GIP: variants seen among roughly 807,000 people sequenced by gnomAD.
GIP encodes gastric inhibitory polypeptide, also known as glucose-dependent insulinotropic polypeptide.
In GIP, 16 loss-of-function variants were observed where a neutral mutation model predicts 18.1. The observed-to-expected ratio is 0.88, with a 90% confidence interval of 0.60 to 1.34. GIP has a LOEUF of 1.34. Among genes scored for constraint, GIP ranks in the 40% most tolerant of loss-of-function variants. The pLI is 0.00. For missense variants in GIP, 192 were observed against 183.4 expected, an observed-to-expected ratio of 1.05 and a Z score of -0.27; for synonymous variants, 76 against 74.0, an observed-to-expected ratio of 1.03 and a Z score of -0.14.
At chr17:48,964,285 A>G in intron 3 of GIP, 25 bp downstream of exon 3, 1 of 1,599,382 alleles carries the variant, frequency 6.3e-7, no homozygotes, top group Non-Finnish European at 8.6e-7. Flanking sequence ...CACAGGGAAC[A>G]GGAGGAGTGT....
rs1157087103 is a variant in GIP, at chr17:48,965,325, C to T, written c.87-845G>A. Among the ~76,000 whole-genome samples, 7 of 133,770 alleles carry T rather than the reference C, an allele frequency of 5.2e-5. No homozygotes were observed. In the East Asian group the frequency reaches 1.6e-3, roughly 30 times the overall value. The allele number at this position is 133,770 out of a possible 152,430, so 87.8% of individuals were successfully genotyped here. On this transcript the variant is annotated intron_variant, in intron 2 of 5. Coordinates refer to ENST00000357424, the MANE Select transcript of GIP (RefSeq NM_004123.3). ...TCAATAAAAAAAAAAAAAAAAAAGG[C>T]TGGGTGCGGTGGCTCACGCCTGTAA...
chr17:48,967,361 T>TC (rs1213111363), intron 1 of GIP, 108 bp from the exon 2 acceptor site: 2 of 109,530 alleles, frequency 1.8e-5, no homozygotes, highest in African/African-American at 9.1e-5. Flanking sequence ...TCCTTTTTCT[T>TC]TTTTTTTTTT....
rs760593707 is a variant in GIP at position 48,961,771 on chromosome 17, G to A, written c.306C>T (p.Ala102=). ...CCTCCTCCTTCCTATTAGCTTGACT[G>A]GCCAGCTCCAGCGCCCGAGCCTCCC... The part of the protein sequence containing the change: ...TQREARALEL[A]SQANRKEEEA... The change falls in exon 4 of 6, where the codon GCC becomes GCT. Residue 102 remains alanine, a synonymous_variant. Transcript: ENST00000357424. The A allele has an allele frequency of 4.3e-6, 7 of 1,612,828 alleles. No individual in the cohort carries two copies. Among genetic ancestry groups the A allele is most frequent in the East Asian group, 2.2e-5 (1 of 44,876 alleles).
intron 3 of GIP, 57 bp from the exon 4 acceptor site, chr17:48,961,876 C>T: frequency 1.6e-6 from 2 of 1,248,662 alleles, no homozygotes; most frequent in Non-Finnish European, 2.3e-6. Flanking sequence ...TCTAGGGACA[C>T]TTGAATCTTT....
chr17:48,963,862 A>AAAAAAAG (rs1168878456), intron 3 of GIP, among the ~76,000 whole-genome samples: 69 of 136,750 alleles, frequency 5.0e-4, no homozygotes, highest in African/African-American at 1.5e-3. Context: ...AAAAAAAAAA[A>AAAAAAAG]AGAGAGAGAG....
At position 48,968,217 on chromosome 17, in the gene GIP, C is replaced by T. The variant is rs527402526; in HGVS notation, c.-22+300G>A. ...AGGCAAACCTTTCACTTCACCCTCCCGAGTACCTAGAACCGCAGGCATGTA... is the reference window on the plus strand; with the variant it reads ...AGGCAAACCTTTCACTTCACCCTCCTGAGTACCTAGAACCGCAGGCATGTA... On this transcript the variant is annotated intron_variant, in intron 1 of 5. Coordinates refer to ENST00000357424, the MANE Select transcript of GIP (RefSeq NM_004123.3). 8.4e-4 allele frequency among the ~76,000 whole-genome samples: 127 copies of T among 152,090 alleles called. 3 individuals are homozygous for T. The highest frequency in any genetic ancestry group is 2.1e-4 in the South Asian group (1 of 4,816).
Position 48,958,701 on chromosome 17 carries a change from TCA to T in GIP, c.*4_*5del. Reference sequence around the variant, plus strand: ...GAATCCAGTCCTGAGCTGGGTGTGGTCAGAGTCACCGAGACCTGGGGAGAGTG... The same window carrying T: ...GAATCCAGTCCTGAGCTGGGTGTGGTGAGTCACCGAGACCTGGGGAGAGTG... On this transcript the variant is annotated 3_prime_UTR_variant, in exon 6 of 6. Transcript: ENST00000357424. 1 of 1,582,110 alleles carries T rather than the reference TCA, an allele frequency of 6.3e-7. No individual in the cohort carries two copies. Among genetic ancestry groups the T allele is most frequent in the Middle Eastern group, 1.7e-4 (1 of 6,032 alleles).
rs1355186452 is a variant in GIP at position 48,958,628 on chromosome 17, T to C, written c.*79A>G. On this transcript the variant is annotated 3_prime_UTR_variant, in exon 6 of 6. Transcript: ENST00000357424. ...GCATAAACTTTATTGGTTTGGGTTC[T>C]CTTGGCTATTCTGGAGTGGGGCTGA... The C allele has an allele frequency of 8.5e-6, 10 of 1,177,048 alleles. No homozygotes were observed. The highest frequency in any genetic ancestry group is 2.5e-5 in the East Asian group (1 of 39,414). The allele number at this position is 1,177,048 out of a possible 1,614,324, so 72.9% of individuals were successfully genotyped here. A position where few individuals can be genotyped will look rare whatever the true frequency, so the allele number is the denominator to read the frequency against.
intron 4 of GIP, 144 bp downstream of exon 4, chr17:48,961,583 A>G: frequency 1.6e-6 from 1 of 619,662 alleles, no homozygotes; most frequent in Non-Finnish European, 2.9e-6. Context: ...AGTTTGCTCA[A>G]TGAAGACCCC....
At chr17:48,961,032 G>T (rs117649535) in intron 4 of GIP, 45 bp from the exon 5 acceptor site, 1 of 1,314,900 alleles carries the variant, frequency 7.6e-7, no homozygotes, top group Non-Finnish European at 1.1e-6. Context: ...CCTGAGCTTC[G>T]CCCAGAGAGG....
In GIP at chr17:48,964,976, A is replaced by G. The variant is rs945018232; in HGVS notation, c.87-496T>C. ...AACACAGTGAAACCCCGTCTCTACT[A>G]AAAATACAAAAAATTAGCCAGGCAT... On this transcript the variant is annotated intron_variant, in intron 2 of 5. Coordinates refer to ENST00000357424, the MANE Select transcript of GIP (RefSeq NM_004123.3). 1.0e-3 allele frequency among the ~76,000 whole-genome samples: 156 copies of G among 151,534 alleles called. 1 individual carries two copies. Among genetic ancestry groups the G allele is most frequent in the African/African-American group, 3.7e-3 (153 of 41,212 alleles).
intron 2 of GIP, among the ~76,000 whole-genome samples, chr17:48,965,880 A>G (rs778481107): frequency 3.0e-4 from 46 of 152,052 alleles, no homozygotes; most frequent in Admixed American, 5.9e-4. Context: ...TTACCTTATT[A>G]TTGTCTTATT....
chr17:48,963,327 C>T (rs895277367), intron 3 of GIP, among the ~76,000 whole-genome samples: 2 of 151,776 alleles, frequency 1.3e-5, no homozygotes, highest in Non-Finnish European at 2.9e-5. Flanking sequence ...GAGTTCGAGA[C>T]CTGCCTGACC....
intron 2 of GIP, among the ~76,000 whole-genome samples, chr17:48,966,271 A>AC (rs397940707): frequency 6.8e-6 from 1 of 146,592 alleles, no homozygotes; most frequent in African/African-American, 2.5e-5. Flanking sequence ...AAAAAAAAAA[A>AC]GGGCCAGGCA....
Position 48,958,773 on chromosome 17 carries a change from A to T in GIP, c.453-57T>A. 3 of 1,447,450 alleles carry T rather than the reference A, an allele frequency of 2.1e-6. No individual in the cohort carries two copies. The East Asian group carries it at 7.3e-5, about 35-fold the overall frequency. The allele number at this position is 1,447,450 out of a possible 1,614,324, so 89.7% of individuals were successfully genotyped here. On this transcript the variant is annotated intron_variant, in intron 5 of 5. Transcript: ENST00000357424. ...GTTATGGACTTGGAGTCGGCCAAGC[A>T]CATTTATCCTGGGACCCAACCATTG... is the stretch of plus-strand genomic sequence containing the variant.
chr17:48,960,511 T>A (rs1261947312), intron 5 of GIP, among the ~76,000 whole-genome samples: 2 of 151,206 alleles, frequency 1.3e-5, no homozygotes, highest in African/African-American at 4.9e-5. Context: ...GGGCTCTGGG[T>A]GGGTAGAGAC....
intron 5 of GIP, among the ~76,000 whole-genome samples, chr17:48,959,838 TA>T (rs1161044859): frequency 2.1e-5 from 1 of 46,730 alleles, no homozygotes; most frequent in African/African-American, 8.5e-5. Flanking sequence ...GCTCGGTGGG[TA>T]GGGACAGGCA....
rs200286688 is a variant in GIP, at chr17:48,967,363, T to TC, written c.-21-111_-21-110insG. The TC allele has an allele frequency of 2.4e-3, 528 of 216,550 alleles. 2 individuals are homozygous for TC. Among genetic ancestry groups the TC allele is most frequent in the East Asian group, 0.022 (389 of 17,458 alleles). The allele number at this position is 216,550 out of a possible 1,614,324, so 13.4% of individuals were successfully genotyped here. A position where few individuals can be genotyped will look rare whatever the true frequency, so the allele number is the denominator to read the frequency against. On this transcript the variant is annotated intron_variant, in intron 1 of 5. Transcript: ENST00000357424. Reference sequence around the variant, plus strand: ...GGACCCTTTCTTTTCCTTTTTCTTTTTTTTTTTTTTTTTTGAGATGGAGTC... The same window carrying TC: ...GGACCCTTTCTTTTCCTTTTTCTTTTCTTTTTTTTTTTTTTGAGATGGAGTC...
At chr17:48,964,225 G>C (rs185753059) in intron 3 of GIP, 85 bp downstream of exon 3, 10 of 954,276 alleles carry the variant, frequency 1.0e-5, no homozygotes, top group African/African-American at 1.6e-5. Context: ...CATGTGGCCT[G>C]TGTGGCCACA....
Sources: allele counts gnomAD v4.1 joint callset (sites outside exome capture counted in the v4.1 genomes callset), GRCh38; gene constraint gnomAD v4.1.1; transcripts MANE v1.5; gene names NCBI Gene and HGNC (gene_info 2026-07-23, HGNC 2026-07-21).